The following STAU2 variants were observed in gnomAD, a reference collection of about 807,000 sequenced individuals.
The protein encoded by STAU2 is staufen double-stranded RNA binding protein 2.
In STAU2, 20 loss-of-function variants were observed where a neutral mutation model predicts 65.9. The observed-to-expected ratio is 0.30, with a 90% CI of 0.21 to 0.44. The LOEUF is 0.44. Ranked by LOEUF, STAU2 falls within the 20% of genes least tolerant of loss-of-function variation. STAU2 has a pLI of 1.00. For synonymous variants in STAU2, 232 were observed against 233.9 expected (o/e 0.99, Z 0.07); for missense variants, 558 against 683.9 (o/e 0.82, Z 2.05).
rs34037884 is a variant in STAU2, at chr8:73,669,637, TTCTCTCTCTCTCTCTCTCTC to T, written c.410+3450_410+3469del. ...TACTTGCTATTTCTTGAGCCTGGAA[TTCTCTCTCTCTCTCTCTCTC>T]TCTCTCTCTCTCTCAACATTCACAC... On this transcript the variant is annotated intron_variant, in intron 6 of 14. Transcript: ENST00000524300. Among the ~76,000 whole-genome samples the T allele has an allele frequency of 4.2e-5, 6 of 141,338 alleles. No individual in the cohort carries two copies. The East Asian group carries it at 8.6e-4, about 20-fold the overall frequency. The allele number at this position is 141,338 out of a possible 152,430, so 92.7% of individuals were successfully genotyped here.
chr8:73,647,259 C>T (rs956797038), intron 6 of STAU2, among the ~76,000 whole-genome samples: 1 of 151,414 alleles, frequency 6.6e-6, no homozygotes, highest in Admixed American at 6.8e-5. Context: ...ACATTTATGT[C>T]CATACAAAAC....
intron 6 of STAU2, among the ~76,000 whole-genome samples, chr8:73,667,347 C>T (rs1817314388): frequency 6.6e-6 from 1 of 152,118 alleles, no homozygotes; most frequent in Non-Finnish European, 1.5e-5. Flanking sequence ...GAATAAAATC[C>T]AAACCTCGTG....
intron 4 of STAU2, among the ~76,000 whole-genome samples, chr8:73,695,909 C>A (rs1252429236): frequency 6.6e-6 from 1 of 152,162 alleles, no homozygotes; most frequent in Non-Finnish European, 1.5e-5. Context: ...GGCTCTCAGA[C>A]AGCACCTCTG....
chr8:73,547,881 C>T lies in STAU2; in HGVS notation c.1530+4131G>A, dbSNP rs556442400. ...CCTCCATATCCATGGGCTATGCATC[C>T]AAATATCAAAAATATTAAAAAAGAA... On this transcript the variant is annotated intron_variant, in intron 13 of 14. Transcript: ENST00000524300. 1.4e-3 allele frequency among the ~76,000 whole-genome samples: 217 copies of T among 150,426 alleles called. 2 individuals are homozygous for T. Among genetic ancestry groups the T allele is most frequent in the African/African-American group, 5.3e-3 (215 of 40,838 alleles).
At chr8:73,507,260 C>T (rs1234640237) in intron 13 of STAU2, among the ~76,000 whole-genome samples, 1 of 152,038 alleles carries the variant, frequency 6.6e-6, no homozygotes, top group East Asian at 1.9e-4. Context: ...TTAAAAAATG[C>T]ATTTCATAAA....
At chr8:73,565,777 G>C (rs758201188) in intron 12 of STAU2, among the ~76,000 whole-genome samples, 8 of 152,054 alleles carry the variant, frequency 5.3e-5, no homozygotes, top group Admixed American at 3.3e-4. Context: ...ATTACAATTT[G>C]GGTCTTTATT....
At chr8:73,571,870 T>C (rs887219898) in intron 12 of STAU2, among the ~76,000 whole-genome samples, 1 of 152,052 alleles carries the variant, frequency 6.6e-6, no homozygotes, top group African/African-American at 2.4e-5. Flanking sequence ...ATTCAAAAGC[T>C]AGCAGAAGGC....
rs191158920 is a variant in STAU2, at chr8:73,666,472, A to G, written c.410+6635T>C. Among the ~76,000 whole-genome samples, 347 of 152,328 alleles carry G rather than the reference A, an allele frequency of 2.3e-3. 1 individual carries two copies. Among genetic ancestry groups the G allele is most frequent in the Non-Finnish European group, 3.9e-3 (263 of 68,018 alleles). ...CACAGATTTATTTCACAGGGGTACAATGAAAAACCAAGAAGCCTTAAGTAA... is the reference window on the plus strand; with the variant it reads ...CACAGATTTATTTCACAGGGGTACAGTGAAAAACCAAGAAGCCTTAAGTAA... On this transcript the variant is annotated intron_variant, in intron 6 of 14. Coordinates refer to ENST00000524300, the MANE Select transcript of STAU2 (RefSeq NM_001164380.2).
At chr8:73,588,958 A>C (rs10104343) in intron 11 of STAU2, among the ~76,000 whole-genome samples, 14,455 of 152,142 alleles carry the variant, frequency 0.095, 814 homozygotes, top group African/African-American at 0.15. Context: ...CACCCACCAC[A>C]ATCCCAGGAT....
chr8:73,746,914 TCC>T, upstream of STAU2: 2 of 933,198 alleles, frequency 2.1e-6, no homozygotes, highest in Non-Finnish European at 1.3e-6. Flanking sequence ...TCCGCCCGCC[TCC>T]CCGGCGCTCC....
chr8:73,708,321 G>T (rs1274383463), intron 4 of STAU2, among the ~76,000 whole-genome samples: 1 of 152,112 alleles, frequency 6.6e-6, no homozygotes, highest in Non-Finnish European at 1.5e-5. Flanking sequence ...TGATCATTAT[G>T]ATAATCTCCA....
chr8:73,515,183 G>A (rs879532723), intron 13 of STAU2, among the ~76,000 whole-genome samples: 6 of 152,162 alleles, frequency 3.9e-5, no homozygotes, highest in Non-Finnish European at 8.8e-5. Context: ...CCTGAAAACT[G>A]CTGGGCCAAA....
At chr8:73,698,431 G>C (rs1403487514) in intron 4 of STAU2, among the ~76,000 whole-genome samples, 1 of 152,042 alleles carries the variant, frequency 6.6e-6, no homozygotes, top group Non-Finnish European at 1.5e-5. Flanking sequence ...GACACACACA[G>C]ACAGAAAAGA....
At chr8:73,581,810 T>C (rs967920065) in intron 12 of STAU2, among the ~76,000 whole-genome samples, 2 of 152,344 alleles carry the variant, frequency 1.3e-5, no homozygotes, top group African/African-American at 2.4e-5. Flanking sequence ...AATCCAAGAA[T>C]TCAATTCTTA....
Position 73,443,023 on chromosome 8 carries a change from T to G in STAU2, c.1531-20321A>C, listed in dbSNP as rs543019144. Among the ~76,000 whole-genome samples, 3 of 152,318 alleles carry G rather than the reference T, an allele frequency of 2.0e-5. No individual in the cohort carries two copies. In the East Asian group the frequency reaches 5.8e-4, roughly 29 times the overall value. On this transcript the variant is annotated intron_variant, in intron 13 of 14. Coordinates refer to ENST00000524300, the MANE Select transcript of STAU2 (RefSeq NM_001164380.2). ...AACACAAAGCATTCCAATACGCAAC[T>G]TCAAATCAAAACCTCAACTTGGGCA...
chr8:73,651,169 G>T, intron 6 of STAU2: 1 of 1,151,858 alleles, frequency 8.7e-7, no homozygotes, highest in Non-Finnish European at 1.2e-6. Context: ...CCAGGCATCG[G>T]GCCCCGAGGA....
At chr8:73,444,407 CAAAAA>C (rs55722523) in intron 13 of STAU2, among the ~76,000 whole-genome samples, 10 of 128,396 alleles carry the variant, frequency 7.8e-5, no homozygotes, top group Non-Finnish European at 4.9e-5. Flanking sequence ...AAAACTCCAT[CAAAAA>C]AAAAAAAAAA....
intron 6 of STAU2, among the ~76,000 whole-genome samples, chr8:73,626,070 CACAT>C (rs1244560271): frequency 7.9e-6 from 1 of 126,022 alleles, no homozygotes; most frequent in African/African-American, 3.8e-5. Context: ...CAAGTAAGTA[CACAT>C]ACACACACAC....
intron 14 of STAU2, 42 bp from the exon 15 acceptor site, chr8:73,421,507 T>C: frequency 6.5e-7 from 1 of 1,528,538 alleles, no homozygotes. Context: ...GGCCTGGGGT[T>C]GCACATCTTC....
Sources: allele counts gnomAD v4.1 joint callset (sites outside exome capture counted in the v4.1 genomes callset), GRCh38; gene constraint gnomAD v4.1.1; transcripts MANE v1.5; gene names NCBI Gene and HGNC (gene_info 2026-07-23, HGNC 2026-07-21).